ASIC2: variants seen among roughly 807,000 people sequenced by gnomAD.
The protein encoded by ASIC2 is acid sensing ion channel subunit 2, also known as acid-sensing ion channel 2.
Under a neutral mutation model 57.3 loss-of-function variants are expected in ASIC2, and 25 were observed. The observed-to-expected ratio is 0.44, with a 90% confidence interval of 0.32 to 0.61. The LOEUF (loss-of-function observed/expected upper bound fraction) is 0.61. Among genes scored for constraint, ASIC2 ranks in the 20% least tolerant of loss-of-function variants. ASIC2 has a pLI of 0.06. For missense variants in ASIC2, 641 were observed against 738.1 expected (o/e 0.87, Z 1.52); for synonymous variants, 319 against 307.5 (o/e 1.04, Z -0.39).
chr17:33,116,004 T>C (rs1249173201), intron 1 of ASIC2, among the ~76,000 whole-genome samples: 1 of 152,200 alleles, frequency 6.6e-6, no homozygotes, highest in Non-Finnish European at 1.5e-5. Flanking sequence ...CATTCTCTGC[T>C]GGAGCCTTCT....
Position 33,942,870 on chromosome 17 carries a change from T to C in ASIC2, c.555+213108A>G, listed in dbSNP as rs548103633. Among the ~76,000 whole-genome samples, 3 of 152,316 alleles carry C rather than the reference T, an allele frequency of 2.0e-5. No individual in the cohort carries two copies. In the South Asian group the frequency reaches 6.2e-4, roughly 32 times the overall value. ...GACCCCAAAGTCCCAAAGAGGAACT[T>C]GCCTTTAGGGCTTTCAGACCTATGC... On this transcript the variant is annotated intron_variant, in intron 1 of 9. Transcript: ENST00000359872.
intron 1 of ASIC2, among the ~76,000 whole-genome samples, chr17:34,117,663 G>A (rs1328118945): frequency 6.6e-6 from 1 of 152,152 alleles, no homozygotes; most frequent in Admixed American, 6.5e-5. Context: ...CTGTGGGGGT[G>A]GAGAGGAGAA....
chr17:33,319,515 T>C (rs1906785602), intron 1 of ASIC2, among the ~76,000 whole-genome samples: 1 of 152,248 alleles, frequency 6.6e-6, no homozygotes, highest in Non-Finnish European at 1.5e-5. Context: ...TTTTAATTTT[T>C]ATGGGTACAT....
chr17:33,931,503 G>C (rs139576849), intron 1 of ASIC2: 3 of 152,264 alleles, frequency 2.0e-5, no homozygotes, highest in African/African-American at 7.2e-5. Context: ...TTTTCTTTGA[G>C]GCAGAAATTG....
intron 1 of ASIC2, among the ~76,000 whole-genome samples, chr17:33,691,013 T>C (rs976506359): frequency 2.6e-5 from 4 of 152,120 alleles, no homozygotes; most frequent in African/African-American, 9.7e-5. Context: ...CCTCCCAAAG[T>C]GCTGGGATTA....
rs543800131 is a variant in ASIC2 at position 33,869,250 on chromosome 17, A to G, written c.555+286728T>C. Among the ~76,000 whole-genome samples the G allele has an allele frequency of 5.9e-5, 9 of 152,324 alleles. No individual in the cohort carries two copies. In the East Asian group the frequency reaches 1.4e-3, roughly 23 times the overall value. On this transcript the variant is annotated intron_variant, in intron 1 of 9. Transcript: ENST00000359872. ...CTAGAATAGCTATAATTAAAAAAAAACAAAGAATATTAATTGTTGGCAAAG... is the reference window on the plus strand; with the variant it reads ...CTAGAATAGCTATAATTAAAAAAAAGCAAAGAATATTAATTGTTGGCAAAG...
At chr17:33,169,304 C>T (rs998878312) in intron 1 of ASIC2, among the ~76,000 whole-genome samples, 1 of 152,226 alleles carries the variant, frequency 6.6e-6, no homozygotes, top group Non-Finnish European at 1.5e-5. Context: ...GGGAGTGGTT[C>T]AACCTCTGCT....
intron 1 of ASIC2, among the ~76,000 whole-genome samples, chr17:33,910,298 C>CT (rs1403527430): frequency 6.6e-6 from 1 of 152,100 alleles, no homozygotes; most frequent in Non-Finnish European, 1.5e-5. Flanking sequence ...GTGTCTGGAG[C>CT]TTAATGAGAG....
chr17:33,487,123 A>G (rs577218580), intron 1 of ASIC2, among the ~76,000 whole-genome samples: 72 of 152,374 alleles, frequency 4.7e-4, no homozygotes, highest in African/African-American at 1.7e-3. Flanking sequence ...CTTCCAGACA[A>G]GCATTCCAGG....
At chr17:33,632,451 A>G (rs1400419007) in intron 1 of ASIC2, among the ~76,000 whole-genome samples, 1 of 152,124 alleles carries the variant, frequency 6.6e-6, no homozygotes, top group Non-Finnish European at 1.5e-5. Context: ...CAGTGCTGGG[A>G]CAGTGTCCCT....
At chr17:33,976,877 A>C (rs1465352315) in intron 1 of ASIC2, 1 of 152,116 alleles carries the variant, frequency 6.6e-6, no homozygotes, top group Non-Finnish European at 1.5e-5. Context: ...ATACCGAAGC[A>C]AGGATGGAGG....
At chr17:33,495,378 T>C (rs1029252036) in intron 1 of ASIC2, among the ~76,000 whole-genome samples, 5 of 152,230 alleles carry the variant, frequency 3.3e-5, no homozygotes, top group South Asian at 4.1e-4. Context: ...AAAGAAGCCA[T>C]GTCCAAGTGC....
At chr17:33,221,685 T>A (rs1336034221) in intron 1 of ASIC2, among the ~76,000 whole-genome samples, 1 of 152,244 alleles carries the variant, frequency 6.6e-6, no homozygotes, top group African/African-American at 2.4e-5. Flanking sequence ...TTGGGCTTTT[T>A]ATAGACCAAA....
intron 1 of ASIC2, among the ~76,000 whole-genome samples, chr17:33,216,010 T>C (rs1488269975): frequency 6.6e-6 from 1 of 152,224 alleles, no homozygotes; most frequent in Non-Finnish European, 1.5e-5. Context: ...CATGTGGCTT[T>C]TATAGTGATT....
intron 1 of ASIC2, among the ~76,000 whole-genome samples, chr17:34,025,413 T>A (rs749789508): frequency 6.6e-6 from 1 of 152,160 alleles, no homozygotes; most frequent in Non-Finnish European, 1.5e-5. Context: ...GACTGCTCAG[T>A]GTACACACTT....
intron 1 of ASIC2, among the ~76,000 whole-genome samples, chr17:33,610,919 C>G (rs926342640): frequency 3.3e-5 from 5 of 151,996 alleles, no homozygotes; most frequent in Non-Finnish European, 5.9e-5. Context: ...AGAAACAGAA[C>G]AAAAAGTTCC....
intron 1 of ASIC2, among the ~76,000 whole-genome samples, chr17:33,872,481 C>A (rs767386465): frequency 2.0e-5 from 3 of 152,076 alleles, no homozygotes; most frequent in Non-Finnish European, 4.4e-5. Context: ...ATACAGAGCT[C>A]GACAAGAGAG....
intron 1 of ASIC2, among the ~76,000 whole-genome samples, chr17:33,976,270 T>G (rs930588990): frequency 6.6e-6 from 1 of 152,006 alleles, no homozygotes; most frequent in African/African-American, 2.4e-5. Context: ...GAGTGTTACT[T>G]GGTCTAATTC....
intron 1 of ASIC2, among the ~76,000 whole-genome samples, chr17:33,947,413 A>G (rs1264102138): frequency 1.3e-5 from 2 of 152,182 alleles, no homozygotes; most frequent in African/African-American, 4.8e-5. Context: ...CTCAATTATA[A>G]TAGATTAAAT....
Sources: allele counts gnomAD v4.1 joint callset (sites outside exome capture counted in the v4.1 genomes callset), GRCh38; gene constraint gnomAD v4.1.1; transcripts MANE v1.5; gene names NCBI Gene and HGNC (gene_info 2026-07-23, HGNC 2026-07-21).